Variants in RPS6KA2 observed in about 807,000 individuals in gnomAD.
The protein encoded by RPS6KA2 is ribosomal protein S6 kinase alpha-2.
A neutral mutation model predicts 91.8 loss-of-function variants in RPS6KA2; 42 were observed. That is an observed-to-expected ratio of 0.46 (90% CI 0.36 to 0.59). The LOEUF is 0.59. Ranked by LOEUF, RPS6KA2 falls within the 20% of genes least tolerant of loss-of-function variation. The probability of loss-of-function intolerance (pLI) is 0.00; values close to 1 mark genes in which losing one functional copy is unlikely to be tolerated. For synonymous variants in RPS6KA2, 414 were observed against 393.6 expected, an observed-to-expected ratio of 1.05 and a Z score of -0.61; for missense variants, 798 against 978.5, an observed-to-expected ratio of 0.82 and a Z score of 2.46.
Position 166,419,075 on chromosome 6 carries a change from CCTT to C in RPS6KA2, c.1821-736_1821-734del. 1.3e-5 allele frequency among the ~76,000 whole-genome samples: 2 copies of C among 152,330 alleles called. No individual in the cohort carries two copies. Among genetic ancestry groups the C allele is most frequent in the East Asian group, 3.9e-4 (2 of 5,186 alleles). On this transcript the variant is annotated intron_variant, in intron 18 of 20. Transcript: ENST00000265678. This position sits in a 1 kb window ranked among gnomAD's most constrained non-coding sequence, Gnocchi z 5.6. Reference sequence around the variant, plus strand: ...GCGGCTTCAGGGCCTGATTTACTCTCCTTCTGCTGTGGACACTACCTGTTGACT... The same window carrying C: ...GCGGCTTCAGGGCCTGATTTACTCTCCTGCTGTGGACACTACCTGTTGACT...
rs916218465 is a variant in RPS6KA2, at chr6:166,825,527, G to C, written c.123+32673C>G. 6.9e-6 allele frequency among the ~76,000 whole-genome samples: 1 copy of C among 145,980 alleles called. No individual in the cohort carries two copies. The highest frequency in any genetic ancestry group is 1.5e-5 in the Non-Finnish European group (1 of 67,966). On this transcript the variant is annotated intron_variant, in intron 2 of 21. Transcript: ENST00000503859. The surrounding 1 kb of genome is among the most constrained non-coding windows in gnomAD (Gnocchi z 4.1). ...GGGTGCTACTTAGCTACTTACCCTA[G>C]ACTGGGTAGCTTAGCTACTTACCCT...
At chr6:166,771,800 G>A (rs1437185748) in intron 2 of RPS6KA2, among the ~76,000 whole-genome samples, 3 of 152,174 alleles carry the variant, frequency 2.0e-5, no homozygotes, top group South Asian at 2.1e-4. Flanking sequence ...AGATGCCAGC[G>A]GCCTCTGCTG....
At chr6:166,680,876 A>G (rs1788781626) in intron 2 of RPS6KA2, among the ~76,000 whole-genome samples, 1 of 152,246 alleles carries the variant, frequency 6.6e-6, no homozygotes. Context: ...CCAGAGGCAC[A>G]GTTCAAACTT....
chr6:166,775,259 C>T (rs148179028), intron 2 of RPS6KA2, among the ~76,000 whole-genome samples: 14 of 147,806 alleles, frequency 9.5e-5, no homozygotes, highest in African/African-American at 2.7e-4. Context: ...AAGCCCCCCC[C>T]ACCCCCGGCC....
At chr6:166,762,551 C>T (rs940047433) in intron 2 of RPS6KA2, among the ~76,000 whole-genome samples, 9 of 152,150 alleles carry the variant, frequency 5.9e-5, no homozygotes, top group Non-Finnish European at 1.5e-5. Flanking sequence ...CAGCTGATCT[C>T]GAATCACACA....
At chr6:166,707,252 C>T (rs1042766598) in intron 2 of RPS6KA2, among the ~76,000 whole-genome samples, 1 of 152,226 alleles carries the variant, frequency 6.6e-6, no homozygotes, top group Admixed American at 6.5e-5. Context: ...GGACGGCAGC[C>T]CGGCAGCCAC....
chr6:166,413,019 G>A (rs1778366779), intron 20 of RPS6KA2, 132 bp from the exon 21 acceptor site: 1 of 1,000,404 alleles, frequency 1.0e-6, no homozygotes, highest in South Asian at 1.8e-5. Flanking sequence ...AGGGTCCCTG[G>A]AGCATGGAGT....
At chr6:166,819,012 T>C (rs1404065543) in intron 2 of RPS6KA2, among the ~76,000 whole-genome samples, 5 of 152,060 alleles carry the variant, frequency 3.3e-5, no homozygotes, top group African/African-American at 9.7e-5. Context: ...CTTATGACTA[T>C]GGGGGTGTCA....
intron 6 of RPS6KA2, among the ~76,000 whole-genome samples, 182 bp downstream of exon 6, chr6:166,504,324 A>T (rs924766919): frequency 2.0e-5 from 3 of 152,242 alleles, no homozygotes; most frequent in Non-Finnish European, 4.4e-5. Context: ...CAGCAAGGCC[A>T]CACCTGCATC....
rs566719249 is a variant in RPS6KA2, at chr6:166,777,503, G to A, written c.123+80697C>T. 1.7e-4 allele frequency among the ~76,000 whole-genome samples: 26 copies of A among 152,320 alleles called. 1 individual carries two copies. In the South Asian group the frequency reaches 5.2e-3, roughly 30 times the overall value. ...GAACCCAGGCAGCGCCACTCTGCAC[G>A]ATGGGCAGAGGACACACAAAAAGGC... On this transcript the variant is annotated intron_variant, in intron 2 of 21. Transcript: ENST00000503859.
intron 17 of RPS6KA2, among the ~76,000 whole-genome samples, chr6:166,420,951 C>T (rs143688670): frequency 2.6e-3 from 402 of 152,266 alleles, no homozygotes; most frequent in South Asian, 7.9e-3. Flanking sequence ...CATTAAATAT[C>T]GAGTCGGGAG....
chr6:166,810,918 C>G (rs75815871), intron 2 of RPS6KA2, among the ~76,000 whole-genome samples: 5 of 152,186 alleles, frequency 3.3e-5, no homozygotes, highest in African/African-American at 1.2e-4. Flanking sequence ...CCACATGAGA[C>G]AGTGACAACT....
intron 2 of RPS6KA2, among the ~76,000 whole-genome samples, chr6:166,693,322 G>A (rs1007054470): frequency 6.6e-5 from 10 of 152,186 alleles, no homozygotes; most frequent in African/African-American, 9.7e-5. Flanking sequence ...CTAAACACGC[G>A]GAAGTGATTC....
intron 2 of RPS6KA2, among the ~76,000 whole-genome samples, chr6:166,692,189 T>C (rs1789226545): frequency 6.6e-6 from 1 of 151,322 alleles, no homozygotes; most frequent in Admixed American, 6.6e-5. Context: ...GAAGATAAAA[T>C]AAGGGAAGAA....
At chr6:166,857,667 G>A (rs1451105745) in intron 2 of RPS6KA2, among the ~76,000 whole-genome samples, 1 of 152,136 alleles carries the variant, frequency 6.6e-6, no homozygotes, top group Non-Finnish European at 1.5e-5. Flanking sequence ...TGACCACCTC[G>A]GGCTGATACC....
upstream of RPS6KA2, among the ~76,000 whole-genome samples, chr6:166,628,983 T>C (rs748262450): frequency 1.8e-4 from 28 of 152,242 alleles, no homozygotes; most frequent in Non-Finnish European, 3.7e-4. Flanking sequence ...TGAAAACTGC[T>C]TTGCCTGCTT....
chr6:166,801,085 G>C (rs1779353588), intron 2 of RPS6KA2, among the ~76,000 whole-genome samples: 1 of 152,202 alleles, frequency 6.6e-6, no homozygotes, highest in Non-Finnish European at 1.5e-5. Flanking sequence ...CATGGTATGT[G>C]CACTTTTGTA....
chr6:166,604,778 C>T (rs747610323), intron 1 of RPS6KA2, among the ~76,000 whole-genome samples: 1 of 152,186 alleles, frequency 6.6e-6, no homozygotes, highest in African/African-American at 2.4e-5. Flanking sequence ...GAGAAGACTA[C>T]GAGCCTTCCT....
Position 166,767,461 on chromosome 6 carries a change from G to C in RPS6KA2, c.123+90739C>G, listed in dbSNP as rs933987905. On this transcript the variant is annotated intron_variant, in intron 2 of 21. Transcript: ENST00000503859. This position sits in a 1 kb window ranked among gnomAD's most constrained non-coding sequence, Gnocchi z 4.6. ...AAAAAGGACAGAGAAGCCAGCTCGC[G>C]CTCCCTTCAGGATCCTACTTGGAAA... Among the ~76,000 whole-genome samples, 1 of 152,110 alleles carries C rather than the reference G, an allele frequency of 6.6e-6. No individual in the cohort carries two copies. Among genetic ancestry groups the C allele is most frequent in the South Asian group, 2.1e-4 (1 of 4,808 alleles).
Sources: gnomAD v4.1 joint callset for allele counts (sites outside exome capture counted in the v4.1 genomes callset) on GRCh38, gnomAD v4.1.1 for gene constraint, Gnocchi (gnomAD v3.1) non-coding constraint, MANE v1.5 for transcripts, NCBI Gene and HGNC (gene_info 2026-07-23, HGNC 2026-07-21) for gene names.